The following SEMA6A variants were observed in gnomAD, a reference collection of about 807,000 sequenced individuals.
The protein encoded by SEMA6A is semaphorin-6A.
SEMA6A carries 25 observed loss-of-function variants against 96.8 expected under a neutral mutation model. The ratio of observed to expected loss-of-function variants is 0.26; its 90% CI spans 0.19 to 0.36. The LOEUF (loss-of-function observed/expected upper bound fraction) is 0.36, where lower values mean the gene tolerates loss of function less well. Ranked by LOEUF, SEMA6A falls within the 10% of genes least tolerant of loss-of-function variation. The pLI is 1.00. For missense variants in SEMA6A, 1,363 were observed against 1,323.1 expected, an observed-to-expected ratio of 1.03 and a Z score of -0.47; for synonymous variants, 612 against 518.0, an observed-to-expected ratio of 1.18 and a Z score of -2.46.
intron 18 of SEMA6A, among the ~76,000 whole-genome samples, chr5:116,466,988 C>T (rs921240351): frequency 1.3e-5 from 2 of 152,150 alleles, no homozygotes; most frequent in African/African-American, 4.8e-5. Context: ...TTTAGTGTGG[C>T]TTCCTTTCCG....
chr5:116,469,689 C>T (rs1456041716), intron 17 of SEMA6A: 1 of 152,138 alleles, frequency 6.6e-6, no homozygotes, highest in African/African-American at 2.4e-5. Flanking sequence ...ATGGTAATGC[C>T]ATAAGTATGG....
At chr5:116,469,077 G>T (rs1442389906) in intron 17 of SEMA6A, 1 of 152,024 alleles carries the variant, frequency 6.6e-6, no homozygotes, top group Non-Finnish European at 1.5e-5. Context: ...TTGATTAGCA[G>T]GAAAAAGCAA....
chr5:116,572,932 TGGGCGGAG>T (rs1455388364), intron 1 of SEMA6A, among the ~76,000 whole-genome samples: 1 of 152,106 alleles, frequency 6.6e-6, no homozygotes, highest in Admixed American at 6.6e-5. Flanking sequence ...GAGGAGGCGC[TGGGCGGAG>T]GGGCGGCGAG....
At chr5:116,464,350 T>C (rs1755598691) in intron 18 of SEMA6A, among the ~76,000 whole-genome samples, 1 of 152,152 alleles carries the variant, frequency 6.6e-6, no homozygotes, top group South Asian at 2.1e-4. Flanking sequence ...TTTTTACTAA[T>C]GAATCCAGGG....
chr5:116,472,963 T>A, intron 17 of SEMA6A, 110 bp downstream of exon 17: 1 of 1,516,710 alleles, frequency 6.6e-7, no homozygotes, highest in Non-Finnish European at 8.8e-7. Flanking sequence ...GGATAAAAAA[T>A]TAATTAAAAA....
intron 6 of SEMA6A, among the ~76,000 whole-genome samples, chr5:116,493,858 C>T (rs1757449440): frequency 6.6e-6 from 1 of 152,192 alleles, no homozygotes; most frequent in Non-Finnish European, 1.5e-5. Context: ...CATCTTCTTG[C>T]TAGATAGCTC....
At chr5:116,532,493 A>T (rs768625954) in intron 1 of SEMA6A, among the ~76,000 whole-genome samples, 47 of 152,314 alleles carry the variant, frequency 3.1e-4, no homozygotes, top group East Asian at 1.7e-3. Flanking sequence ...TCTTGAATTT[A>T]TGGGGAGGGA....
intron 1 of SEMA6A, 129 bp from the exon 2 acceptor site, chr5:116,505,111 G>A (rs537933977): frequency 3.1e-5 from 17 of 545,580 alleles, no homozygotes; most frequent in South Asian, 9.7e-5. Flanking sequence ...TGGTAAATTC[G>A]TTGATTTTTG....
At chr5:116,461,804 T>C (rs1755415801) in intron 18 of SEMA6A, among the ~76,000 whole-genome samples, 1 of 152,162 alleles carries the variant, frequency 6.6e-6, no homozygotes, top group South Asian at 2.1e-4. Context: ...CTACCTGTGT[T>C]CCATCTGTCT....
rs1467357262 is a variant in SEMA6A at position 116,467,967 on chromosome 5, G to A, written c.1730-220C>T. The A allele has an allele frequency of 7.3e-6, 4 of 547,814 alleles. No homozygotes were observed. In the Admixed American group the frequency reaches 1.3e-4, roughly 18 times the overall value. The allele number at this position is 547,814 out of a possible 1,614,324, so 33.9% of individuals were successfully genotyped here. A position where few individuals can be genotyped will look rare whatever the true frequency, so the allele number is the denominator to read the frequency against. ...TGAACTTGTAGTTAGAAAATGAAGG[G>A]CCAGATCCTATCTCTCATACTTGCT... On this transcript the variant is annotated intron_variant, in intron 17 of 18. Transcript: ENST00000343348.
intron 17 of SEMA6A, among the ~76,000 whole-genome samples, chr5:116,471,847 A>G (rs1756165219): frequency 6.6e-6 from 1 of 152,226 alleles, no homozygotes; most frequent in African/African-American, 2.4e-5. Context: ...TGTAGCCATC[A>G]GGAACTATTT....
intron 1 of SEMA6A, among the ~76,000 whole-genome samples, chr5:116,556,584 T>G (rs921983588): frequency 6.6e-6 from 1 of 152,178 alleles, no homozygotes; most frequent in Non-Finnish European, 1.5e-5. Flanking sequence ...GGCACAGAGA[T>G]GTTAAGTAAT....
rs112958182 is a variant in SEMA6A, at chr5:116,541,535, A to G, written c.-39+32650T>C. Among the ~76,000 whole-genome samples, 897 of 152,298 alleles carry G rather than the reference A, an allele frequency of 5.9e-3. 16 individuals are homozygous for G. The highest frequency in any genetic ancestry group is 0.02 in the African/African-American group (852 of 41,568). ...ATTGTCATTACAAGTTCAAAGACTA[A>G]TTAATAGTTAGAGCAGGCCGGGTGC... On this transcript the variant is annotated intron_variant, in intron 1 of 18. Coordinates refer to ENST00000343348, the MANE Select transcript of SEMA6A (RefSeq NM_020796.5).
At chr5:116,484,668 A>T (rs541192512) in intron 10 of SEMA6A, among the ~76,000 whole-genome samples, 1 of 152,236 alleles carries the variant, frequency 6.6e-6, no homozygotes, top group African/African-American at 2.4e-5. Flanking sequence ...CATAACAACA[A>T]CATCTTCAGG....
intron 1 of SEMA6A, among the ~76,000 whole-genome samples, chr5:116,551,718 C>T (rs892032280): frequency 1.3e-5 from 2 of 152,180 alleles, no homozygotes; most frequent in African/African-American, 4.8e-5. Context: ...CCACCCACCA[C>T]TAAGTTTTGA....
At chr5:116,540,356 T>C (rs1033127640) in intron 1 of SEMA6A, among the ~76,000 whole-genome samples, 1 of 152,210 alleles carries the variant, frequency 6.6e-6, no homozygotes, top group Non-Finnish European at 1.5e-5. Context: ...TTGCACAGCA[T>C]GGAGGCTGTT....
chr5:116,565,878 G>C (rs1761005008), intron 1 of SEMA6A, among the ~76,000 whole-genome samples: 1 of 152,032 alleles, frequency 6.6e-6, no homozygotes, highest in Admixed American at 6.6e-5. Context: ...AGCTCAATCA[G>C]TATTCTCTCA....
chr5:116,569,391 T>C (rs1761123694), intron 1 of SEMA6A, among the ~76,000 whole-genome samples: 1 of 151,682 alleles, frequency 6.6e-6, no homozygotes, highest in South Asian at 2.1e-4. Flanking sequence ...GGGGTGGAGG[T>C]CAGAGAGGTT....
intron 17 of SEMA6A, among the ~76,000 whole-genome samples, chr5:116,470,640 C>G (rs1321704472): frequency 1.3e-5 from 2 of 152,026 alleles, no homozygotes; most frequent in Admixed American, 6.6e-5. Flanking sequence ...AATCAGGGCC[C>G]AATTCACTAA....
Sources: allele counts gnomAD v4.1 joint callset (sites outside exome capture counted in the v4.1 genomes callset), GRCh38; gene constraint gnomAD v4.1.1; transcripts MANE v1.5; gene names NCBI Gene and HGNC (gene_info 2026-07-23, HGNC 2026-07-21).